The following ANO8 variants were observed in gnomAD, a reference collection of about 807,000 sequenced individuals.
ANO8 encodes the protein anoctamin-8.
A neutral mutation model predicts 120.4 loss-of-function variants in ANO8; 67 were observed. That is an observed-to-expected ratio of 0.56 (90% CI 0.46 to 0.68). The LOEUF (loss-of-function observed/expected upper bound fraction) is 0.68, where lower values mean the gene tolerates loss of function less well. ANO8 is among the 30% of genes least tolerant of loss of function. The probability of loss-of-function intolerance (pLI) is 0.00; values close to 1 mark genes in which losing one functional copy is unlikely to be tolerated. For synonymous variants in ANO8, 727 were observed against 759.2 expected (o/e 0.96, Z 0.70); for missense variants, 1,526 against 1,737.6 (o/e 0.88, Z 2.16).
Position 17,324,726 on chromosome 19 carries a change from C to T in ANO8, c.3322G>A (p.Glu1108Lys), listed in dbSNP as rs2074261375. 2 of 1,523,690 alleles carry T rather than the reference C, an allele frequency of 1.3e-6. No homozygotes were observed. The highest frequency in any genetic ancestry group is 1.8e-6 in the Non-Finnish European group (2 of 1,138,462). The allele number at this position is 1,523,690 out of a possible 1,614,324, so 94.4% of individuals were successfully genotyped here. ...AGTTAAAGCTTGTGACCTGAGCCTT[C>T]CTCTTCGGGCCGGGGGGCTTCCAGC... ...EELEAPRPEE[E>K]GSGTALAPVG... Residue 1108 changes from glutamate (E) to lysine (K), a missense_variant, in exon 17 of 18, where the codon GAA (glutamate) becomes AAA (lysine). By Grantham distance (56) the Glu-to-Lys change is moderately conservative. Transcript: ENST00000159087.
chr19:17,331,042 GGGC>G (rs1434128741), intron 7 of ANO8, 43 bp downstream of exon 7: 2 of 1,613,630 alleles, frequency 1.2e-6, no homozygotes, highest in South Asian at 2.2e-5. Flanking sequence ...CCAGAAAGGA[GGGC>G]GCCTCTGGAT....
chr19:17,329,243 T>C, intron 12 of ANO8: 1 of 440,954 alleles, frequency 2.3e-6, no homozygotes, highest in Non-Finnish European at 4.0e-6. Context: ...GCGGGCTCTG[T>C]CGGTGCACTG....
chr19:17,330,347 G>T lies in ANO8; in HGVS notation c.1146+5C>A, dbSNP rs572866431. The T allele has an allele frequency of 1.2e-6, 2 of 1,603,052 alleles. No homozygotes were observed. The highest frequency in any genetic ancestry group is 1.3e-5 in the African/African-American group (1 of 74,882). ...GACAGGGCGGGTGAGGGTATGGGGG[G>T]TCACCTGCAGCTGGAAGCAGCCAAG... is the stretch of plus-strand genomic sequence containing the variant. On this transcript the variant is annotated splice_donor_5th_base_variant and intron_variant, in intron 9 of 17. Coordinates refer to ENST00000159087, the MANE Select transcript of ANO8 (RefSeq NM_020959.3).
rs200487915 is a variant in ANO8, at chr19:17,331,278, C to T, written c.703+17G>A. 73 of 1,614,076 alleles carry T rather than the reference C, an allele frequency of 4.5e-5. No individual in the cohort carries two copies. The highest frequency in any genetic ancestry group is 1.6e-4 in the Middle Eastern group (1 of 6,084). ...TGTCTGCTGGGACTCCCTCCCACCC[C>T]CCAGCCCAGGCAGCACCTAGAGGCT... On this transcript the variant is annotated intron_variant, in intron 6 of 17. Coordinates refer to ENST00000159087, the MANE Select transcript of ANO8 (RefSeq NM_020959.3).
intron 5 of ANO8, 89 bp downstream of exon 5, chr19:17,332,841 G>T (rs764725588): frequency 2.0e-6 from 3 of 1,470,932 alleles, no homozygotes; most frequent in African/African-American, 1.4e-5. Context: ...GGTTGGATCT[G>T]GGCCCCGCCC....
chr19:17,329,335 T>C, intron 12 of ANO8: 1 of 332,616 alleles, frequency 3.0e-6, no homozygotes. Context: ...CGCCCTCAGC[T>C]CGGCGCGCCA....
chr19:17,332,506 ATCC>A (rs1347204141), intron 5 of ANO8, among the ~76,000 whole-genome samples: 5 of 152,122 alleles, frequency 3.3e-5, no homozygotes, highest in Non-Finnish European at 7.4e-5. Context: ...CTGGAGGGGA[ATCC>A]AACGCCCAGA....
In ANO8 at chr19:17,331,391, C is replaced by G; in HGVS notation, c.607G>C (p.Gly203Arg). The change falls in exon 6 of 18, where the codon GGG becomes CGG. Residue 203 changes from glycine to arginine, a missense_variant. Physicochemically the swap from Gly to Arg is moderately radical, Grantham distance 125. Around this residue, in one of 8 missense-constraint regions of ANO8, gnomAD observed 322 missense variants for 431.8 expected, o/e 0.75. Transcript: ENST00000159087. ...ACAGGGAACACCTGCTGGATGATCCCACGTGCTGCCAGCTCCGGGACTGTG... is the reference window on the plus strand; with the variant it reads ...ACAGGGAACACCTGCTGGATGATCCGACGTGCTGCCAGCTCCGGGACTGTG... ...QPIIPELAAR[G>R]IIQQVFPVHE... 6.2e-7 allele frequency: 1 copy of G among 1,613,820 alleles called. No homozygotes were observed. Among genetic ancestry groups the G allele is most frequent in the Non-Finnish European group, 8.5e-7 (1 of 1,179,980 alleles).
In ANO8 at chr19:17,323,581, G is replaced by A. The variant is rs2074252116; in HGVS notation, c.3635C>T (p.Pro1212Leu). Reference sequence around the variant, plus strand: ...GGGGCTGGGGCTAGGGGAGGGCGCTGGGGTCTCGAGGGGATCCGAGGTGGG... The same window carrying A: ...GGGGCTGGGGCTAGGGGAGGGCGCTAGGGTCTCGAGGGGATCCGAGGTGGG... ...LPPTSDPLET[P>L]APSPSPSPSP... The change falls in exon 18 of 18, where the codon CCA becomes CTA. Residue 1212 changes from proline to leucine, a missense_variant. Coordinates refer to ENST00000159087, the MANE Select transcript of ANO8 (RefSeq NM_020959.3). The A allele has an allele frequency of 7.8e-7, 1 of 1,279,760 alleles. No homozygotes were observed. The highest frequency in any genetic ancestry group is 2.8e-5 in the East Asian group (1 of 35,378). 79.3% of individuals were successfully genotyped at this position (1,279,760 alleles called of 1,614,324 possible). A position where few individuals can be genotyped will look rare whatever the true frequency, so the allele number is the denominator to read the frequency against.
rs966627749 is a variant in ANO8, at chr19:17,325,653, C to T, written c.2662-267G>A. 6.6e-5 allele frequency among the ~76,000 whole-genome samples: 10 copies of T among 152,208 alleles called. 1 individual carries two copies. On this transcript the variant is annotated intron_variant, in intron 16 of 17. Coordinates refer to ENST00000159087, the MANE Select transcript of ANO8 (RefSeq NM_020959.3). ...GGCTTAAATGCTTATTGGGGCTGGG[C>T]GCAGTGGCTTGCGCCTGTAATCCCA...
intron 16 of ANO8, among the ~76,000 whole-genome samples, chr19:17,326,767 GGAA>G (rs2145684894): frequency 6.6e-6 from 1 of 152,244 alleles, no homozygotes; most frequent in South Asian, 2.1e-4. Flanking sequence ...TGAGGAATGC[GGAA>G]GAAGCTGCGC....
chr19:17,329,926 T>G (rs2074304241), intron 11 of ANO8, 33 bp downstream of exon 11: 1 of 1,614,036 alleles, frequency 6.2e-7, no homozygotes, highest in Non-Finnish European at 8.5e-7. Flanking sequence ...GCTTCCCCGT[T>G]GTCCCCCTGC....
Position 17,325,324 on chromosome 19 carries a change from C to T in ANO8, c.2724G>A (p.Glu908=), listed in dbSNP as rs1398297232. Residue 908 remains glutamate (E), a synonymous_variant, in exon 17 of 18, where the codon GAG becomes GAA. Coordinates refer to ENST00000159087, the MANE Select transcript of ANO8 (RefSeq NM_020959.3). The stretch of plus-strand genomic sequence containing the variant: ...GGTGCTCTGCATGGCGCTGTCGCTC[C>T]TCCTCCTCCCGCCGCCTGCGCTGCT... The part of the protein sequence containing the change: ...QQQQRRRREE[E]ERQRHAEHHA... The T allele has an allele frequency of 2.5e-6, 4 of 1,603,634 alleles. No homozygotes were observed. Among genetic ancestry groups the T allele is most frequent in the African/African-American group, 2.7e-5 (2 of 74,938 alleles).
intron 17 of ANO8, 86 bp downstream of exon 17, chr19:17,324,631 C>G: frequency 6.7e-7 from 1 of 1,500,264 alleles, no homozygotes; most frequent in Non-Finnish European, 8.9e-7. Context: ...CCCCTGTCCC[C>G]TTCAGCCCCT....
intron 11 of ANO8, 52 bp from the exon 12 acceptor site, chr19:17,329,883 G>A (rs573412018): frequency 7.5e-5 from 121 of 1,613,522 alleles, no homozygotes; most frequent in Non-Finnish European, 9.4e-5. Context: ...CCGACTCCTT[G>A]GAGCCTTCCT....
chr19:17,323,309 TTCTG>T lies in ANO8; in HGVS notation c.*204_*207del, dbSNP rs1270683869. 1.9e-5 allele frequency: 4 copies of T among 205,536 alleles called. No individual in the cohort carries two copies. The highest frequency in any genetic ancestry group is 8.4e-5 in the Admixed American group (1 of 11,876). The allele number at this position is 205,536 out of a possible 1,614,324, so 12.7% of individuals were successfully genotyped here. ...TTAAAAACAAATAAATAATCGCCTG[TTCTG>T]TGTGTGTGTGTGTGTGTGTGTGTGT... On this transcript the variant is annotated 3_prime_UTR_variant, in exon 18 of 18. Coordinates refer to ENST00000159087, the MANE Select transcript of ANO8 (RefSeq NM_020959.3).
chr19:17,329,484 C>T (rs1319003785), intron 12 of ANO8: 3 of 527,364 alleles, frequency 5.7e-6, no homozygotes, highest in Admixed American at 6.8e-5. Context: ...GCGAGCGGGA[C>T]CAGCACCGCC....
Position 17,328,692 on chromosome 19 carries a change from G to A in ANO8, c.1696C>T (p.Arg566Trp), listed in dbSNP as rs1489772722. The A allele has an allele frequency of 1.4e-5, 11 of 787,720 alleles. No homozygotes were observed. Among genetic ancestry groups the A allele is most frequent in the Middle Eastern group, 4.6e-4 (1 of 2,182 alleles). The allele number at this position is 787,720 out of a possible 1,614,324, so 48.8% of individuals were successfully genotyped here. The stretch of plus-strand genomic sequence containing the variant: ...CCCTCCTCCCCGCCTTCCCCCGCCC[G>A]CCGCCGCTCCACCAGCGCCGCCTCC... ...EEEAALVERRRAGEGGEEGDG... is the reference protein window; with the variant it reads ...EEEAALVERRWAGEGGEEGDG... The change falls in exon 13 of 18, where the codon CGG (arginine) becomes TGG (tryptophan). Residue 566 changes from arginine (R) to tryptophan (W), a missense_variant. Arg to Trp is a moderately radical substitution (Grantham distance 101). Around this residue, in one of 8 missense-constraint regions of ANO8, gnomAD observed 467 missense variants for 425.8 expected, o/e 1.10. Coordinates refer to ENST00000159087, the MANE Select transcript of ANO8 (RefSeq NM_020959.3).
In ANO8 at chr19:17,333,467, C is replaced by T; in HGVS notation, c.305G>A (p.Arg102His). Residue 102 changes from arginine (R) to histidine (H), a missense_variant, in exon 3 of 18, where the codon CGC (arginine) becomes CAC (histidine). Arg to His is a conservative substitution (Grantham distance 29). This residue lies in a region of ANO8 where 322 missense variants were observed against 431.8 expected (regional missense o/e 0.75). Coordinates refer to ENST00000159087, the MANE Select transcript of ANO8 (RefSeq NM_020959.3). This position sits in a 1 kb window ranked among gnomAD's most constrained non-coding sequence, Gnocchi z 7.2. Reference sequence around the variant, plus strand: ...AAAGAAGGCGTAGGCACGCGTGTGGCGGTGGTGGCGGACTTGCACGATGAG... The same window carrying T: ...AAAGAAGGCGTAGGCACGCGTGTGGTGGTGGTGGCGGACTTGCACGATGAG... ...PELIVQVRHH[R>H]HTRAYAFFVT... 6.2e-7 allele frequency: 1 copy of T among 1,613,366 alleles called. No homozygotes were observed. The highest frequency in any genetic ancestry group is 8.5e-7 in the Non-Finnish European group (1 of 1,179,990).
Sources: allele counts gnomAD v4.1 joint callset (sites outside exome capture counted in the v4.1 genomes callset), GRCh38; gene constraint gnomAD v4.1.1; regional missense constraint gnomAD v4.1.1; non-coding constraint Gnocchi (gnomAD v3.1); transcripts MANE v1.5; gene names NCBI Gene and HGNC (gene_info 2026-07-23, HGNC 2026-07-21).